MACROD2: variants seen among roughly 807,000 people sequenced by gnomAD.
MACROD2 encodes ADP-ribose glycohydrolase MACROD2.
Under a neutral mutation model 70.4 loss-of-function variants are expected in MACROD2, and 36 were observed. The observed-to-expected ratio is 0.51, with a 90% confidence interval of 0.39 to 0.68. The LOEUF (loss-of-function observed/expected upper bound fraction) is 0.68, where lower values mean the gene tolerates loss of function less well. Ranked by LOEUF, MACROD2 falls within the 30% of genes least tolerant of loss-of-function variation. MACROD2 has a pLI of 0.00. For missense variants in MACROD2, 496 were observed against 538.4 expected (o/e 0.92, Z 0.78); for synonymous variants, 172 against 178.8 (o/e 0.96, Z 0.30).
At chr20:15,112,964 G>A (rs1055199272) in intron 5 of MACROD2, among the ~76,000 whole-genome samples, 5 of 151,710 alleles carry the variant, frequency 3.3e-5, no homozygotes, top group South Asian at 2.1e-4. Context: ...GTGTGTGTGT[G>A]TGTGTGTGTG....
intron 7 of MACROD2, among the ~76,000 whole-genome samples, chr20:15,434,809 A>G (rs570007743): frequency 6.6e-6 from 1 of 152,274 alleles, no homozygotes; most frequent in African/African-American, 2.4e-5. Context: ...AAAATGTGGT[A>G]TGTATATACC....
At chr20:14,489,199 A>C (rs1448624192) in intron 3 of MACROD2, among the ~76,000 whole-genome samples, 1 of 152,230 alleles carries the variant, frequency 6.6e-6, no homozygotes, top group Non-Finnish European at 1.5e-5. Flanking sequence ...TCAAAGCAGG[A>C]AATTACACCA....
rs554174792 is a variant in MACROD2 at position 15,254,219 on chromosome 20, G to A, written c.540+24158G>A. Among the ~76,000 whole-genome samples the A allele has an allele frequency of 2.6e-5, 4 of 152,196 alleles. No homozygotes were observed. The South Asian group carries it at 8.3e-4, about 32-fold the overall frequency. On this transcript the variant is annotated intron_variant, in intron 6 of 17. Coordinates refer to ENST00000684519, the MANE Select transcript of MACROD2 (RefSeq NM_001351661.2). ...AGGCAAAGGAGTGGTGTTTCACCAGGTTAAGAGGTAATTGATCAAGATTCA... is the reference window on the plus strand; with the variant it reads ...AGGCAAAGGAGTGGTGTTTCACCAGATTAAGAGGTAATTGATCAAGATTCA...
At chr20:15,048,685 C>T (rs1353832104) in intron 5 of MACROD2, among the ~76,000 whole-genome samples, 1 of 152,004 alleles carries the variant, frequency 6.6e-6, no homozygotes, top group Non-Finnish European at 1.5e-5. Flanking sequence ...AAGTGGTATT[C>T]ATTTTTGGAG....
At chr20:15,477,113 T>TG (rs1330918384) in intron 7 of MACROD2, among the ~76,000 whole-genome samples, 9 of 149,148 alleles carry the variant, frequency 6.0e-5, no homozygotes, top group African/African-American at 2.2e-4. Context: ...TTTTTTTTTT[T>TG]TTTTTGAGAC....
chr20:14,207,111 C>CT (rs879324906), intron 3 of MACROD2, among the ~76,000 whole-genome samples: 89 of 145,966 alleles, frequency 6.1e-4, no homozygotes, highest in Non-Finnish European at 5.9e-4. Context: ...AGAAGGGACA[C>CT]TTTTTTTTTT....
At chr20:15,197,146 T>C (rs915176646) in intron 5 of MACROD2, 5 of 355,788 alleles carry the variant, frequency 1.4e-5, no homozygotes, top group Non-Finnish European at 1.6e-5. Context: ...GAGTGACTCT[T>C]TTTTAAGGTA....
intron 5 of MACROD2, among the ~76,000 whole-genome samples, chr20:14,971,760 G>A (rs2074693815): frequency 6.6e-6 from 1 of 152,082 alleles, no homozygotes; most frequent in Non-Finnish European, 1.5e-5. Context: ...AGCGCATGGG[G>A]AAGCTGGCCA....
intron 12 of MACROD2, among the ~76,000 whole-genome samples, chr20:15,962,445 C>T (rs1235152639): frequency 6.6e-6 from 1 of 152,190 alleles, no homozygotes; most frequent in Non-Finnish European, 1.5e-5. Flanking sequence ...CCTATGACTG[C>T]ATCTCTCATT....
chr20:14,767,277 G>A (rs1600642992), intron 5 of MACROD2, among the ~76,000 whole-genome samples: 1 of 151,960 alleles, frequency 6.6e-6, no homozygotes, highest in Admixed American at 6.6e-5. Flanking sequence ...TAGTTGCCAT[G>A]GTCAACAGTT....
intron 5 of MACROD2, among the ~76,000 whole-genome samples, chr20:15,085,873 A>AACACAC (rs3070249): frequency 0.034 from 4,845 of 144,330 alleles, 103 homozygotes; most frequent in Non-Finnish European, 0.041. Context: ...ACACACACAC[A>AACACAC]ACACACACAC....
intron 5 of MACROD2, among the ~76,000 whole-genome samples, chr20:14,847,932 T>C (rs922726068): frequency 6.6e-6 from 1 of 152,132 alleles, no homozygotes. Context: ...GTGGCTTCCT[T>C]AGAAGCATTT....
At chr20:14,250,175 A>T (rs1017242712) in intron 3 of MACROD2, among the ~76,000 whole-genome samples, 2 of 146,252 alleles carry the variant, frequency 1.4e-5, no homozygotes, top group South Asian at 4.3e-4. Context: ...AAAAAAAAAA[A>T]TAACTGATTT....
At chr20:15,241,853 T>A (rs2077062806) in intron 6 of MACROD2, among the ~76,000 whole-genome samples, 1 of 151,266 alleles carries the variant, frequency 6.6e-6, no homozygotes, top group East Asian at 1.9e-4. Flanking sequence ...AAACAAGGAC[T>A]CATAGAAATT....
chr20:15,364,721 A>G (rs1338670819), intron 6 of MACROD2, among the ~76,000 whole-genome samples: 2 of 152,348 alleles, frequency 1.3e-5, no homozygotes, highest in East Asian at 3.9e-4. Context: ...CCAATGAGAT[A>G]ATAGATAGCT....
At chr20:15,163,234 C>T (rs901187461) in intron 5 of MACROD2, among the ~76,000 whole-genome samples, 1 of 151,738 alleles carries the variant, frequency 6.6e-6, no homozygotes, top group African/African-American at 2.4e-5. Context: ...CCTCAATTAT[C>T]ACCATAAGCA....
chr20:15,244,130 G>A (rs2077084953), intron 6 of MACROD2, among the ~76,000 whole-genome samples: 1 of 151,936 alleles, frequency 6.6e-6, no homozygotes, highest in Admixed American at 6.6e-5. Flanking sequence ...TTTATATGGT[G>A]GAAATAGTAT....
intron 3 of MACROD2, among the ~76,000 whole-genome samples, chr20:14,476,323 C>G (rs990617716): frequency 4.6e-5 from 7 of 152,050 alleles, no homozygotes; most frequent in African/African-American, 1.5e-4. Flanking sequence ...CACTTTGTAG[C>G]TTAGAAATGA....
intron 2 of MACROD2, among the ~76,000 whole-genome samples, chr20:14,030,570 C>CA (rs1313444379): frequency 6.6e-6 from 1 of 151,870 alleles, no homozygotes; most frequent in Non-Finnish European, 1.5e-5. Context: ...CCACCATGAC[C>CA]AGCTAATTTT....
Sources: allele counts gnomAD v4.1 joint callset (sites outside exome capture counted in the v4.1 genomes callset), GRCh38; gene constraint gnomAD v4.1.1; transcripts MANE v1.5; gene names NCBI Gene and HGNC (gene_info 2026-07-23, HGNC 2026-07-21).